Variants in CMIP observed in about 807,000 individuals in gnomAD.
CMIP encodes c-Maf inducing protein, also known as C-Maf-inducing protein.
A neutral mutation model predicts 97.3 loss-of-function variants in CMIP; 13 were observed. The observed-to-expected ratio is 0.13, with a 90% CI of 0.09 to 0.21. CMIP has a LOEUF of 0.21. Among genes scored for constraint, CMIP ranks in the 10% least tolerant of loss-of-function variants. The pLI, the probability that CMIP is intolerant of heterozygous loss-of-function variation, is 1.00. For missense variants in CMIP, 847 were observed against 1,024.9 expected (o/e 0.83, Z 2.37); for synonymous variants, 538 against 436.3 (o/e 1.23, Z -2.91).
At chr16:81,457,978 A>G (rs906166808) in intron 1 of CMIP, among the ~76,000 whole-genome samples, 1 of 152,226 alleles carries the variant, frequency 6.6e-6, no homozygotes, top group Admixed American at 6.5e-5. Flanking sequence ...CTTCGCCCTG[A>G]TGACTCAGGA....
chr16:81,493,619 A>T (rs2089440687), intron 1 of CMIP, among the ~76,000 whole-genome samples: 1 of 152,244 alleles, frequency 6.6e-6, no homozygotes, highest in African/African-American at 2.4e-5. Flanking sequence ...CAGTGTGGCG[A>T]GTTAGGTCTG....
chr16:81,548,435 G>C (rs535849842), intron 1 of CMIP, among the ~76,000 whole-genome samples: 1 of 152,176 alleles, frequency 6.6e-6, no homozygotes, highest in African/African-American at 2.4e-5. Flanking sequence ...CAGCCAGCTG[G>C]ATCAGTCTTT....
chr16:81,619,289 C>G (rs891218069), intron 2 of CMIP: 1 of 152,230 alleles, frequency 6.6e-6, no homozygotes, highest in African/African-American at 2.4e-5. Flanking sequence ...TCACCAGAGC[C>G]TGAGTCCTCA....
chr16:81,621,182 A>G lies in CMIP; in HGVS notation c.477+256A>G, dbSNP rs965490582. 2 of 406,380 alleles carry G rather than the reference A, an allele frequency of 4.9e-6. No individual in the cohort carries two copies. Among genetic ancestry groups the G allele is most frequent in the Non-Finnish European group, 9.1e-6 (2 of 220,800 alleles). 25.2% of individuals were successfully genotyped at this position (406,380 alleles called of 1,614,324 possible). ...ATAGCTGTTTTCCTGCTTCAAAAGG[A>G]TCATAGAACTGCTTGCTCTCAGAGT... is the stretch of plus-strand genomic sequence containing the variant. On this transcript the variant is annotated intron_variant, in intron 3 of 20. Coordinates refer to ENST00000537098, the MANE Select transcript of CMIP (RefSeq NM_198390.3). This position sits in a 1 kb window ranked among gnomAD's most constrained non-coding sequence, Gnocchi z 4.1.
intron 1 of CMIP, among the ~76,000 whole-genome samples, chr16:81,555,524 C>A (rs1205972293): frequency 6.6e-6 from 1 of 152,226 alleles, no homozygotes; most frequent in Non-Finnish European, 1.5e-5. Context: ...GGTCTAAGGC[C>A]TCATTCCCAG....
intron 1 of CMIP, among the ~76,000 whole-genome samples, chr16:81,466,372 T>C (rs1031220318): frequency 2.0e-5 from 3 of 152,236 alleles, no homozygotes; most frequent in Non-Finnish European, 2.9e-5. Flanking sequence ...CTTTCCCTTT[T>C]TAAAAAAATT....
chr16:81,578,287 C>T (rs551605370), intron 1 of CMIP, among the ~76,000 whole-genome samples: 47 of 152,368 alleles, frequency 3.1e-4, no homozygotes, highest in African/African-American at 1.1e-3. Context: ...CTATCACCAT[C>T]GTCATCATTT....
chr16:81,532,531 C>T (rs1379229062), intron 1 of CMIP, among the ~76,000 whole-genome samples: 1 of 152,174 alleles, frequency 6.6e-6, no homozygotes, highest in Non-Finnish European at 1.5e-5. Flanking sequence ...GGGACTAGCG[C>T]TGTTGCCCTC....
At chr16:81,587,491 C>G (rs1014961710) in intron 1 of CMIP, among the ~76,000 whole-genome samples, 3 of 152,220 alleles carry the variant, frequency 2.0e-5, no homozygotes, top group African/African-American at 7.2e-5. Flanking sequence ...CCTTGCTTCC[C>G]CAGCTGCTGC....
chr16:81,456,088 C>T (rs1226745613), intron 1 of CMIP, among the ~76,000 whole-genome samples: 4 of 152,194 alleles, frequency 2.6e-5, no homozygotes, highest in East Asian at 1.9e-4. Context: ...TCATGTTTCA[C>T]GACCCTGTGA....
intron 1 of CMIP, among the ~76,000 whole-genome samples, chr16:81,487,406 C>A (rs1429531685): frequency 6.6e-6 from 1 of 152,192 alleles, no homozygotes; most frequent in Non-Finnish European, 1.5e-5. Context: ...ACTCCCGAGG[C>A]CCCAGACCAA....
intron 1 of CMIP, among the ~76,000 whole-genome samples, chr16:81,543,378 C>G (rs1049568036): frequency 6.6e-6 from 1 of 152,158 alleles, no homozygotes; most frequent in Non-Finnish European, 1.5e-5. Flanking sequence ...CATACCCACC[C>G]CTGTAGCTGG....
At chr16:81,664,578 T>TA in intron 7 of CMIP, 1 of 576,682 alleles carries the variant, frequency 1.7e-6, no homozygotes, top group South Asian at 2.3e-5. Flanking sequence ...ATTACAAAAA[T>TA]ACCGCAGCTG....
chr16:81,625,878 G>A (rs2092054360), intron 3 of CMIP, among the ~76,000 whole-genome samples: 1 of 152,232 alleles, frequency 6.6e-6, no homozygotes, highest in South Asian at 2.1e-4. Flanking sequence ...TTCCCCAGGG[G>A]AAGTGAGGTC....
intron 2 of CMIP, among the ~76,000 whole-genome samples, chr16:81,609,474 C>T (rs1479440248): frequency 6.6e-6 from 1 of 152,252 alleles, no homozygotes; most frequent in Non-Finnish European, 1.5e-5. Flanking sequence ...GCTGTAGTCA[C>T]AGAGCTTTGA....
chr16:81,651,403 G>A, intron 3 of CMIP: 7 of 981,676 alleles, frequency 7.1e-6, no homozygotes, highest in Non-Finnish European at 7.3e-6. Flanking sequence ...CCGCTCTCTG[G>A]CTTCGACACA....
chr16:81,651,138 G>T (rs965903471), intron 3 of CMIP: 1 of 152,290 alleles, frequency 6.6e-6, no homozygotes, highest in Admixed American at 6.5e-5. Flanking sequence ...ACCCCAGCTG[G>T]CTGCTGGCAT....
intron 1 of CMIP, among the ~76,000 whole-genome samples, chr16:81,602,122 C>T (rs2091668037): frequency 6.6e-6 from 1 of 152,090 alleles, no homozygotes; most frequent in Non-Finnish European, 1.5e-5. Flanking sequence ...GAAACAGTGG[C>T]ACTGTCCCTG....
Position 81,670,252 on chromosome 16 carries a change from C to G in CMIP, c.929+7C>G. 2 of 1,605,062 alleles carry G rather than the reference C, an allele frequency of 1.2e-6. No homozygotes were observed. Among genetic ancestry groups the G allele is most frequent in the Admixed American group, 1.7e-5 (1 of 58,772 alleles). On this transcript the variant is annotated splice_region_variant and intron_variant, in intron 8 of 20. Transcript: ENST00000537098. ...TGAAGAAGTTCATTCAGAGGTGGGT[C>G]TCCGGCGCGACGTCCCTCTGTGGCC...
Sources: allele counts gnomAD v4.1 joint callset (sites outside exome capture counted in the v4.1 genomes callset), GRCh38; gene constraint gnomAD v4.1.1; non-coding constraint Gnocchi (gnomAD v3.1); transcripts MANE v1.5; gene names NCBI Gene and HGNC (gene_info 2026-07-23, HGNC 2026-07-21).